The following PGAP4 variants were observed in gnomAD, a reference collection of about 807,000 sequenced individuals.
PGAP4 encodes the protein post-GPI attachment to proteins GalNAc transferase 4.
A neutral mutation model predicts 28.2 loss-of-function variants in PGAP4; 12 were observed. The ratio of observed to expected loss-of-function variants is 0.42; its 90% CI spans 0.27 to 0.69. The LOEUF is 0.69. Ranked by LOEUF, PGAP4 falls within the 30% of genes least tolerant of loss-of-function variation. PGAP4 has a pLI of 0.22. For synonymous variants in PGAP4, 205 were observed against 211.8 expected, an observed-to-expected ratio of 0.97 and a Z score of 0.28; for missense variants, 425 against 513.5, an observed-to-expected ratio of 0.83 and a Z score of 1.67.
intron 2 of PGAP4, among the ~76,000 whole-genome samples, chr9:101,530,946 T>A (rs1200346158): frequency 2.0e-5 from 3 of 152,146 alleles, no homozygotes; most frequent in Non-Finnish European, 4.4e-5. Flanking sequence ...ATTGGTAGAC[T>A]AAAGCAGATT....
Position 101,486,267 on chromosome 9 carries a change from C to T in PGAP4, c.-78+682G>A, listed in dbSNP as rs1248077537. Among the ~76,000 whole-genome samples the T allele has an allele frequency of 6.6e-6, 1 of 152,182 alleles. No homozygotes were observed. Among genetic ancestry groups the T allele is most frequent in the Non-Finnish European group, 1.5e-5 (1 of 68,040 alleles). On this transcript the variant is annotated intron_variant, in intron 1 of 1. Coordinates refer to ENST00000374848, the MANE Select transcript of PGAP4 (RefSeq NM_032342.3). The surrounding 1 kb of genome is among the most constrained non-coding windows in gnomAD (Gnocchi z 4.7). Reference sequence around the variant, plus strand: ...TGTCTGTCGCTGACCTTGGGCAGTCCCTGCCACGCTTGAGCCTCAGTTTCC... The same window carrying T: ...TGTCTGTCGCTGACCTTGGGCAGTCTCTGCCACGCTTGAGCCTCAGTTTCC...
chr9:101,509,679 A>G (rs1347586427), intron 2 of PGAP4, among the ~76,000 whole-genome samples: 1 of 152,142 alleles, frequency 6.6e-6, no homozygotes, highest in African/African-American at 2.4e-5. Flanking sequence ...CATGCTGCAA[A>G]ATGATAAGTT....
At chr9:101,513,921 A>C (rs916482989) in intron 2 of PGAP4, among the ~76,000 whole-genome samples, 3 of 152,104 alleles carry the variant, frequency 2.0e-5, no homozygotes, top group Non-Finnish European at 2.9e-5. Flanking sequence ...TGGAGTTCCA[A>C]ATCTGGAGAG....
chr9:101,509,207 C>T (rs1172450039), intron 2 of PGAP4, among the ~76,000 whole-genome samples: 1 of 152,096 alleles, frequency 6.6e-6, no homozygotes, highest in Non-Finnish European at 1.5e-5. Flanking sequence ...AGGTGATCAC[C>T]CACCAGCTGA....
chr9:101,511,866 G>C (rs1485630595), intron 2 of PGAP4, among the ~76,000 whole-genome samples: 1 of 152,012 alleles, frequency 6.6e-6, no homozygotes, highest in African/African-American at 2.4e-5. Context: ...TTTCTGGATG[G>C]GTCAGACCTA....
At chr9:101,495,447 T>G (rs530390522) in intron 2 of PGAP4, among the ~76,000 whole-genome samples, 1 of 135,032 alleles carries the variant, frequency 7.4e-6, no homozygotes, top group African/African-American at 2.7e-5. Flanking sequence ...ATATAATATA[T>G]ATTATATATA....
chr9:101,505,692 C>T (rs1036127846), intron 2 of PGAP4, among the ~76,000 whole-genome samples: 1 of 152,032 alleles, frequency 6.6e-6, no homozygotes, highest in African/African-American at 2.4e-5. Context: ...TTTTCCAAAC[C>T]TAGGGCTATA....
intron 2 of PGAP4, among the ~76,000 whole-genome samples, chr9:101,503,190 A>G (rs1297241651): frequency 6.6e-6 from 1 of 151,938 alleles, no homozygotes; most frequent in East Asian, 1.9e-4. Context: ...GAAGCTTGGA[A>G]CTCTTACAGC....
At chr9:101,477,920 C>CT (rs1564092125) in intron 1 of PGAP4, among the ~76,000 whole-genome samples, 1 of 148,656 alleles carries the variant, frequency 6.7e-6, no homozygotes, top group Non-Finnish European at 1.5e-5. Context: ...AATGAGGGAG[C>CT]GGGGGGGGAA....
intron 2 of PGAP4, among the ~76,000 whole-genome samples, chr9:101,500,237 T>C (rs897214351): frequency 1.3e-5 from 2 of 152,072 alleles, no homozygotes; most frequent in Non-Finnish European, 2.9e-5. Context: ...AAGTCAGTCC[T>C]GGTAATCCAA....
chr9:101,533,575 C>T (rs1308274836), upstream of PGAP4: 1 of 152,260 alleles, frequency 6.6e-6, no homozygotes, highest in African/African-American at 2.4e-5. Flanking sequence ...AACTTTATCC[C>T]CGCAGAAAGA....
chr9:101,518,911 C>G (rs1198893099), intron 2 of PGAP4, among the ~76,000 whole-genome samples: 2 of 152,178 alleles, frequency 1.3e-5, no homozygotes, highest in Non-Finnish European at 2.9e-5. Context: ...AGTGGCTGTA[C>G]TAGTTTACAT....
chr9:101,475,700 C>T lies in PGAP4; in HGVS notation c.*181G>A, dbSNP rs1446615633. 9.1e-6 allele frequency: 6 copies of T among 661,124 alleles called. No homozygotes were observed. The highest frequency in any genetic ancestry group is 3.6e-5 in the African/African-American group (2 of 54,978). The allele number at this position is 661,124 out of a possible 1,614,324, so 41.0% of individuals were successfully genotyped here. A position where few individuals can be genotyped will look rare whatever the true frequency, so the allele number is the denominator to read the frequency against. On this transcript the variant is annotated 3_prime_UTR_variant, in exon 2 of 2. Coordinates refer to ENST00000374848, the MANE Select transcript of PGAP4 (RefSeq NM_032342.3). ...TCCGGACCTGTGGCAAACTGCTGCT[C>T]CTGCCAGGAGGCTACCAAAGCCAAG...
chr9:101,484,092 C>A (rs577246456), intron 1 of PGAP4, among the ~76,000 whole-genome samples: 1 of 152,238 alleles, frequency 6.6e-6, no homozygotes, highest in African/African-American at 2.4e-5. Flanking sequence ...ACATAACGAT[C>A]CTACTTCTAG....
chr9:101,507,500 A>G (rs1432507043), intron 2 of PGAP4, among the ~76,000 whole-genome samples: 2 of 152,060 alleles, frequency 1.3e-5, no homozygotes, highest in African/African-American at 4.8e-5. Flanking sequence ...ATATTTTCCT[A>G]TTAACATTTA....
At chr9:101,523,952 T>C (rs1372477898) in intron 2 of PGAP4, among the ~76,000 whole-genome samples, 1 of 151,984 alleles carries the variant, frequency 6.6e-6, no homozygotes, top group African/African-American at 2.4e-5. Context: ...ACTCTCCCCC[T>C]TTTCCTATGG....
intron 1 of PGAP4, among the ~76,000 whole-genome samples, chr9:101,477,651 T>C (rs941938859): frequency 2.6e-5 from 4 of 152,190 alleles, no homozygotes; most frequent in Non-Finnish European, 2.9e-5. Context: ...CAAAAAAAAC[T>C]TGTCCAACAA....
intron 2 of PGAP4, among the ~76,000 whole-genome samples, chr9:101,498,980 C>A (rs1826775055): frequency 6.6e-6 from 1 of 151,636 alleles, no homozygotes; most frequent in East Asian, 1.9e-4. Context: ...AAATTTTAAC[C>A]CAGGTGTGCA....
chr9:101,476,011 C>A lies in PGAP4; in HGVS notation c.1082G>T (p.Gly361Val), dbSNP rs749308768. ...CAGCGAGTACAGTGCCATGTCCTTG[C>A]CAAAGCCCTTGTGGCAGTACACTTG... is the stretch of plus-strand genomic sequence containing the variant. ...LSQVYCHKGF[G>V]KDMALYSLLR... The change falls in exon 2 of 2, where the codon GGC becomes GTC. Residue 361 changes from glycine to valine, a missense_variant. Coordinates refer to ENST00000374848, the MANE Select transcript of PGAP4 (RefSeq NM_032342.3). This position sits in a 1 kb window ranked among gnomAD's most constrained non-coding sequence, Gnocchi z 7.0. 1.1e-5 allele frequency: 17 copies of A among 1,614,044 alleles called. No homozygotes were observed. Among genetic ancestry groups the A allele is most frequent in the Admixed American group, 1.7e-5 (1 of 60,004 alleles).
Sources: gnomAD v4.1 joint callset for allele counts (sites outside exome capture counted in the v4.1 genomes callset) on GRCh38, gnomAD v4.1.1 for gene constraint, Gnocchi (gnomAD v3.1) non-coding constraint, MANE v1.5 for transcripts, NCBI Gene and HGNC (gene_info 2026-07-23, HGNC 2026-07-21) for gene names.